The following JUP variants were observed in gnomAD, a reference collection of about 807,000 sequenced individuals.
JUP encodes the protein junction plakoglobin, also known as catenin (cadherin-associated protein), gamma 80kDa.
JUP carries 28 observed loss-of-function variants against 71.1 expected under a neutral mutation model. The observed-to-expected ratio is 0.39, with a 90% CI of 0.29 to 0.54. The LOEUF is 0.54. Among genes scored for constraint, JUP ranks in the 20% least tolerant of loss-of-function variants. JUP has a pLI of 0.62. For missense variants in JUP, 869 were observed against 1,030.1 expected (o/e 0.84, Z 2.14); for synonymous variants, 401 against 438.9 (o/e 0.91, Z 1.08).
chr17:41,756,583 G>A (rs112998352), intron 12 of JUP, among the ~76,000 whole-genome samples: 6,717 of 151,370 alleles, frequency 0.044, 448 homozygotes, highest in African/African-American at 0.15. Flanking sequence ...TGGGCGACAG[G>A]AGTGAGACTC....
At chr17:41,760,879 G>A (rs1914701827) in intron 8 of JUP, among the ~76,000 whole-genome samples, 1 of 152,152 alleles carries the variant, frequency 6.6e-6, no homozygotes, top group Admixed American at 6.5e-5. Context: ...CTATTAAATT[G>A]TCTTAAATGT....
At chr17:41,771,228 C>T (rs1555606776) in intron 2 of JUP, among the ~76,000 whole-genome samples, 1 of 152,144 alleles carries the variant, frequency 6.6e-6, no homozygotes, top group African/African-American at 2.4e-5. Context: ...GACGGGGTTT[C>T]ATCATGTTGG....
intron 2 of JUP, among the ~76,000 whole-genome samples, chr17:41,770,064 C>T (rs1166894738): frequency 6.6e-6 from 1 of 152,114 alleles, no homozygotes; most frequent in Non-Finnish European, 1.5e-5. Context: ...GGTTATAAGG[C>T]AGCCTGACTC....
intron 1 of JUP, among the ~76,000 whole-genome samples, chr17:41,784,107 A>G (rs902928523): frequency 1.2e-4 from 18 of 152,064 alleles, no homozygotes; most frequent in East Asian, 3.8e-4. Flanking sequence ...GAACTGCCCC[A>G]CTGTCCCATC....
chr17:41,762,931 C>T, intron 8 of JUP, 52 bp downstream of exon 8: 17 of 1,527,102 alleles, frequency 1.1e-5, no homozygotes, highest in Non-Finnish European at 1.5e-5. Flanking sequence ...TATACCAATA[C>T]AGCACCTAAG....
intron 1 of JUP, among the ~76,000 whole-genome samples, chr17:41,773,503 G>A (rs1167153711): frequency 6.6e-6 from 1 of 152,186 alleles, no homozygotes; most frequent in Non-Finnish European, 1.5e-5. Context: ...CACCTCAGAC[G>A]GCAGACCCCA....
At chr17:41,774,084 G>A (rs935107378) in intron 1 of JUP, among the ~76,000 whole-genome samples, 7 of 152,120 alleles carry the variant, frequency 4.6e-5, no homozygotes, top group East Asian at 3.9e-4. Context: ...ACCCCTTGCC[G>A]GCCTCACATC....
chr17:41,783,654 C>A (rs1412842175), intron 1 of JUP, among the ~76,000 whole-genome samples: 2 of 151,842 alleles, frequency 1.3e-5, no homozygotes. Flanking sequence ...GGTGAGGTGG[C>A]TCACGCCTGT....
chr17:41,756,175 C>T lies in JUP; in HGVS notation c.2086G>A (p.Asp696Asn). ...MIPINEPYGD[D>N]MDATYRPMYS... ...CCTGAAGAGCCCGGCACACACTTAC[C>T]ATCTCCATAGGGCTCATTGATGGGA... is the stretch of plus-strand genomic sequence containing the variant. The change falls in exon 13 of 14, where the codon GAC (aspartate) becomes AAC (asparagine). Residue 696 changes from aspartate (D) to asparagine (N), a missense_variant and splice_region_variant. Asp to Asn is a conservative substitution (Grantham distance 23). Transcript: ENST00000393931. The T allele has an allele frequency of 6.2e-7, 1 of 1,613,724 alleles. No individual in the cohort carries two copies. The highest frequency in any genetic ancestry group is 8.5e-7 in the Non-Finnish European group (1 of 1,179,834).
chr17:41,759,204 G>A (rs1914396205), intron 8 of JUP, among the ~76,000 whole-genome samples: 1 of 151,716 alleles, frequency 6.6e-6, no homozygotes, highest in South Asian at 2.1e-4. Flanking sequence ...CTCCTGAGTA[G>A]CTGCGATTAC....
chr17:41,755,633 C>G lies in JUP; in HGVS notation c.*111G>C, dbSNP rs1250651922. The G allele has an allele frequency of 9.0e-7, 1 of 1,108,580 alleles. No homozygotes were observed. Among genetic ancestry groups the G allele is most frequent in the Non-Finnish European group, 1.3e-6 (1 of 799,910 alleles). 68.7% of individuals were successfully genotyped at this position (1,108,580 alleles called of 1,614,324 possible). A position where few individuals can be genotyped will look rare whatever the true frequency, so the allele number is the denominator to read the frequency against. On this transcript the variant is annotated 3_prime_UTR_variant, in exon 14 of 14. Coordinates refer to ENST00000393931, the MANE Select transcript of JUP (RefSeq NM_002230.4). Reference sequence around the variant, plus strand: ...GGAAGCTCAGCAGCAAAGGATCCCCCCAAAAAAGGAGCGCAGGTTTCAGCG... The same window carrying G: ...GGAAGCTCAGCAGCAAAGGATCCCCGCAAAAAAGGAGCGCAGGTTTCAGCG...
chr17:41,762,176 A>AGAGAGAGTGTGT (rs1914988239), intron 8 of JUP, among the ~76,000 whole-genome samples: 1 of 44,802 alleles, frequency 2.2e-5, no homozygotes, highest in African/African-American at 1.1e-4. Context: ...AGAGAGAGAG[A>AGAGAGAGTGTGT]GTGTGTGTGT....
rs373614929 is a variant in JUP, at chr17:41,771,195, C to G, written c.208+452G>C. ...CAGGTGCATGCGCCACCACACCCGG[C>G]TAATTTTTGTATTTTTAGTAGAGAC... On this transcript the variant is annotated intron_variant, in intron 2 of 13. Coordinates refer to ENST00000393931, the MANE Select transcript of JUP (RefSeq NM_002230.4). 1.4e-3 allele frequency among the ~76,000 whole-genome samples: 211 copies of G among 152,262 alleles called. 2 individuals are homozygous for G. The highest frequency in any genetic ancestry group is 4.1e-3 in the African/African-American group (169 of 41,542).
At chr17:41,762,723 A>G (rs1915098502) in intron 8 of JUP, among the ~76,000 whole-genome samples, 1 of 151,998 alleles carries the variant, frequency 6.6e-6, no homozygotes, top group African/African-American at 2.4e-5. Flanking sequence ...ATTTAATGAA[A>G]CCACCCAGGG....
At chr17:41,763,393 G>A (rs1287243965) in intron 7 of JUP, 72 bp from the exon 8 acceptor site, 2 of 1,184,844 alleles carry the variant, frequency 1.7e-6, no homozygotes, top group Non-Finnish European at 2.5e-6. Flanking sequence ...ATATGTCCAA[G>A]GGGAGTGGGA....
At chr17:41,756,482 C>T (rs1913770954) in intron 12 of JUP, among the ~76,000 whole-genome samples, 1 of 152,100 alleles carries the variant, frequency 6.6e-6, no homozygotes, top group Non-Finnish European at 1.5e-5. Context: ...GGCCTGTAAT[C>T]CCAGCTACTC....
At chr17:41,778,386 C>T (rs1010898186) in intron 1 of JUP, among the ~76,000 whole-genome samples, 4 of 151,894 alleles carry the variant, frequency 2.6e-5, no homozygotes, top group Admixed American at 1.3e-4. Flanking sequence ...GGCAACATGG[C>T]GAAACCCTGT....
chr17:41,772,140 A>AG, intron 1 of JUP: 3 of 532,458 alleles, frequency 5.6e-6, no homozygotes, highest in South Asian at 1.9e-5. Flanking sequence ...GATGAGCCCC[A>AG]GGGGGCAGGA....
At position 41,764,772 on chromosome 17, in the gene JUP, G is replaced by A. The variant is rs76416187; in HGVS notation, c.1099C>T (p.Arg367Cys). The A allele has an allele frequency of 1.2e-6, 2 of 1,613,628 alleles. No individual in the cohort carries two copies. Among genetic ancestry groups the A allele is most frequent in the South Asian group, 1.1e-5 (1 of 91,054 alleles). Residue 367 changes from arginine (R) to cysteine (C), a missense_variant, in exon 7 of 14, where the codon CGC becomes TGC. Arg to Cys is a radical substitution (Grantham distance 180, BLOSUM62 -3). Coordinates refer to ENST00000393931, the MANE Select transcript of JUP (RefSeq NM_002230.4). ...LGKHLTSNSP[R>C]LVQNCLWTLR... ...GTCCACAGGCAGTTCTGCACCAGGCGGGGGCTGTTGCTGGTCAGGTGCTTG... is the reference window on the plus strand; with the variant it reads ...GTCCACAGGCAGTTCTGCACCAGGCAGGGGCTGTTGCTGGTCAGGTGCTTG...
Sources: allele counts gnomAD v4.1 joint callset (sites outside exome capture counted in the v4.1 genomes callset), GRCh38; gene constraint gnomAD v4.1.1; transcripts MANE v1.5; gene names NCBI Gene and HGNC (gene_info 2026-07-23, HGNC 2026-07-21).